C10orf90: variants seen among roughly 807,000 people sequenced by gnomAD.
The protein encoded by C10orf90 is (E2-independent) E3 ubiquitin-conjugating enzyme FATS.
C10orf90 carries 56 observed loss-of-function variants against 62.5 expected under a neutral mutation model. The ratio of observed to expected loss-of-function variants is 0.90; its 90% CI spans 0.72 to 1.12. C10orf90 has a LOEUF of 1.12. Among genes scored for constraint, C10orf90 ranks in the 50% most tolerant of loss-of-function variants. The pLI is 0.00. For missense variants in C10orf90, 970 were observed against 880.4 expected (o/e 1.10, Z -1.29); for synonymous variants, 386 against 340.4 (o/e 1.13, Z -1.47).
intron 2 of C10orf90, among the ~76,000 whole-genome samples, chr10:126,528,677 C>T (rs1864014289): frequency 6.6e-6 from 1 of 152,184 alleles, no homozygotes; most frequent in South Asian, 2.1e-4. Flanking sequence ...TCTTGGTTTC[C>T]TCATCTGCGA....
intron 2 of C10orf90, among the ~76,000 whole-genome samples, chr10:126,570,201 C>T (rs1384450815): frequency 6.6e-6 from 1 of 152,212 alleles, no homozygotes; most frequent in Admixed American, 6.5e-5. Context: ...GCACAGTATG[C>T]TTTATGCCTG....
At chr10:126,514,776 C>A (rs376246945) in intron 2 of C10orf90, among the ~76,000 whole-genome samples, 44 of 152,268 alleles carry the variant, frequency 2.9e-4, no homozygotes, top group African/African-American at 8.7e-4. Flanking sequence ...CACCGCCCTG[C>A]GCCCCCCTCT....
At chr10:126,472,141 C>T (rs1205127032) in intron 4 of C10orf90, among the ~76,000 whole-genome samples, 1 of 152,172 alleles carries the variant, frequency 6.6e-6, no homozygotes, top group African/African-American at 2.4e-5. Flanking sequence ...CACACAGAAA[C>T]ATAACTTTAA....
chr10:126,548,408 C>T (rs1234472314), intron 2 of C10orf90, among the ~76,000 whole-genome samples: 2 of 152,156 alleles, frequency 1.3e-5, no homozygotes, highest in Non-Finnish European at 2.9e-5. Context: ...CGCTCTGTCA[C>T]CAGGCTGGAG....
intron 4 of C10orf90, among the ~76,000 whole-genome samples, chr10:126,466,808 A>T (rs563460222): frequency 6.6e-6 from 1 of 152,252 alleles, no homozygotes; most frequent in African/African-American, 2.4e-5. Context: ...AGAAACTGTT[A>T]TCAGCCTTTG....
intron 7 of C10orf90, among the ~76,000 whole-genome samples, chr10:126,435,379 T>A (rs973440719): frequency 4.6e-5 from 7 of 152,226 alleles, no homozygotes; most frequent in African/African-American, 1.7e-4. Context: ...GGTAGATCAT[T>A]CTCTTGCACA....
At chr10:126,645,012 C>A (rs1313223035) in intron 2 of C10orf90, among the ~76,000 whole-genome samples, 4 of 150,902 alleles carry the variant, frequency 2.7e-5, no homozygotes, top group African/African-American at 9.8e-5. Flanking sequence ...ATCGCAAGAA[C>A]AAAAAACCAA....
intron 1 of C10orf90, among the ~76,000 whole-genome samples, chr10:126,664,488 A>G (rs1043335320): frequency 6.6e-6 from 1 of 152,202 alleles, no homozygotes; most frequent in African/African-American, 2.4e-5. Context: ...TGAGAAAACT[A>G]GGCTCAAAGA....
chr10:126,483,067 A>G (rs1237529259), intron 4 of C10orf90, among the ~76,000 whole-genome samples: 2 of 152,258 alleles, frequency 1.3e-5, no homozygotes, highest in Non-Finnish European at 1.5e-5. Flanking sequence ...ACAGTGCATG[A>G]CAGTTATAGT....
At chr10:126,605,832 C>T (rs1409825149) in intron 2 of C10orf90, among the ~76,000 whole-genome samples, 1 of 151,966 alleles carries the variant, frequency 6.6e-6, no homozygotes, top group Non-Finnish European at 1.5e-5. Flanking sequence ...CATGTCATGA[C>T]ATGGAACTGC....
intron 3 of C10orf90, among the ~76,000 whole-genome samples, chr10:126,508,142 A>AGAGT (rs1426537125): frequency 1.4e-5 from 2 of 141,196 alleles, no homozygotes; most frequent in African/African-American, 5.4e-5. Context: ...GAAACCACCT[A>AGAGT]GAGTGAATGA....
chr10:126,522,203 G>T (rs894320253), intron 2 of C10orf90, among the ~76,000 whole-genome samples: 1 of 152,214 alleles, frequency 6.6e-6, no homozygotes, highest in African/African-American at 2.4e-5. Flanking sequence ...GGGAGGCAGA[G>T]GTTGCGGTGA....
chr10:126,461,305 A>C (rs1859957925), intron 6 of C10orf90, 96 bp downstream of exon 6: 4 of 1,408,858 alleles, frequency 2.8e-6, no homozygotes, highest in African/African-American at 1.4e-5. Flanking sequence ...TCAGGTTTCC[A>C]GCCTCAGAGG....
At chr10:126,555,501 C>T (rs1343056792) in intron 2 of C10orf90, among the ~76,000 whole-genome samples, 2 of 112,406 alleles carry the variant, frequency 1.8e-5, no homozygotes, top group African/African-American at 7.3e-5. Context: ...TGGTGAAACC[C>T]TGTGTCTACC....
chr10:126,604,335 G>T (rs1308710030), intron 2 of C10orf90, among the ~76,000 whole-genome samples: 1 of 152,156 alleles, frequency 6.6e-6, no homozygotes, highest in African/African-American at 2.4e-5. Context: ...CCAAAAAAAT[G>T]CCTGCAGGTA....
intron 3 of C10orf90, among the ~76,000 whole-genome samples, chr10:126,508,128 C>T (rs1170873903): frequency 6.7e-6 from 1 of 148,836 alleles, no homozygotes; most frequent in Non-Finnish European, 1.5e-5. Context: ...GGACTGCCTG[C>T]ATAGAAACCA....
At chr10:126,602,028 T>G (rs891834676) in intron 2 of C10orf90, among the ~76,000 whole-genome samples, 3 of 152,252 alleles carry the variant, frequency 2.0e-5, no homozygotes, top group Non-Finnish European at 4.4e-5. Flanking sequence ...AACAGCCATC[T>G]TTCACGTTGC....
chr10:126,598,359 G>A (rs932710020), intron 2 of C10orf90, among the ~76,000 whole-genome samples: 10 of 152,086 alleles, frequency 6.6e-5, no homozygotes, highest in African/African-American at 1.7e-4. Flanking sequence ...CATGCTTCTC[G>A]TGGAAGAGAA....
Position 126,461,548 on chromosome 10 carries a change from C to T in C10orf90, c.1863G>A (p.Lys621=), listed in dbSNP as rs368894330. 1.2e-6 allele frequency: 2 copies of T among 1,613,792 alleles called. No homozygotes were observed. Among genetic ancestry groups the T allele is most frequent in the Middle Eastern group, 1.6e-4 (1 of 6,072 alleles). Residue 621 remains lysine, a synonymous_variant, in exon 6 of 10, where the codon AAG becomes AAA. Coordinates refer to ENST00000488181, the MANE Select transcript of C10orf90 (RefSeq NM_001350921.2). ...YTCCDLVVKI[K]ECKKSEDPTT... ...TGGGGTCCTCACTCTTCTTACATTC[C>T]TTTATTTTTACAACCAAGTCACAGC...
Sources: allele counts gnomAD v4.1 joint callset (sites outside exome capture counted in the v4.1 genomes callset), GRCh38; gene constraint gnomAD v4.1.1; transcripts MANE v1.5; gene names NCBI Gene and HGNC (gene_info 2026-07-23, HGNC 2026-07-21).